The following CMC2 variants were observed in gnomAD, a reference collection of about 807,000 sequenced individuals.
CMC2 encodes the protein C-X9-C motif containing 2, also known as COX assembly mitochondrial protein 2 homolog.
In CMC2, 5 loss-of-function variants were observed where a neutral mutation model predicts 7.5. The ratio of observed to expected loss-of-function variants is 0.66; its 90% CI spans 0.35 to 1.40. CMC2 has a LOEUF of 1.40. Ranked by LOEUF, CMC2 falls within the 40% of genes most tolerant of loss-of-function variation. The pLI, the probability that CMC2 is intolerant of heterozygous loss-of-function variation, is 0.04. For synonymous variants in CMC2, 37 were observed against 31.4 expected (o/e 1.18, Z -0.60); for missense variants, 115 against 92.3 (o/e 1.25, Z -1.01).
chr16:80,988,829 A>T (rs1456805318), intron 2 of CMC2, among the ~76,000 whole-genome samples: 2 of 151,766 alleles, frequency 1.3e-5, no homozygotes, highest in Non-Finnish European at 2.9e-5. Context: ...AACTCTAAAC[A>T]ATATTTTTCT....
Position 80,981,827 on chromosome 16 carries a change from C to A in CMC2, c.132G>T (p.Leu44Phe). 6.2e-7 allele frequency: 1 copy of A among 1,610,274 alleles called. No individual in the cohort carries two copies. The highest frequency in any genetic ancestry group is 1.1e-5 in the South Asian group (1 of 90,622). ...FGYCNDVDRELRKCLKNEYVE... is the reference protein window; with the variant it reads ...FGYCNDVDREFRKCLKNEYVE... The stretch of plus-strand genomic sequence containing the variant: ...TTACCTCATTCTTCAGGCATTTTCT[C>A]AACTCCCGATCAACATCATTACAAT... Residue 44 changes from leucine (L) to phenylalanine (F), a missense_variant, in exon 3 of 4, where the codon TTG (leucine) becomes TTT (phenylalanine). Leu to Phe is a conservative substitution (Grantham distance 22). Transcript: ENST00000219400.
Position 81,006,777 on chromosome 16 carries a change from G to C in CMC2, c.-79C>G. 1.0e-6 allele frequency: 1 copy of C among 985,692 alleles called. No individual in the cohort carries two copies. The highest frequency in any genetic ancestry group is 1.2e-6 in the Non-Finnish European group (1 of 830,158). The allele number at this position is 985,692 out of a possible 1,614,324, so 61.1% of individuals were successfully genotyped here. ...GGGAGAACTGAAGCGGCAGTAGCCG[G>C]CGGAGACGCCCGACCCGAAGGCCGG... On this transcript the variant is annotated 5_prime_UTR_variant, in exon 1 of 4. Coordinates refer to ENST00000219400, the MANE Select transcript of CMC2 (RefSeq NM_020188.5).
chr16:80,979,940 T>C (rs779830466), intron 3 of CMC2, among the ~76,000 whole-genome samples: 2 of 151,088 alleles, frequency 1.3e-5, no homozygotes, highest in Admixed American at 6.6e-5. Context: ...TTTTTAGAGA[T>C]AGGGTCTCAC....
chr16:80,989,331 T>C (rs914640033), intron 2 of CMC2, among the ~76,000 whole-genome samples: 1 of 152,202 alleles, frequency 6.6e-6, no homozygotes, highest in African/African-American at 2.4e-5. Flanking sequence ...AGGGAAACTT[T>C]CCCTTCTCAT....
At chr16:80,977,902 T>C (rs924073831) in intron 3 of CMC2, among the ~76,000 whole-genome samples, 3 of 152,078 alleles carry the variant, frequency 2.0e-5, no homozygotes, top group East Asian at 1.9e-4. Flanking sequence ...TGAAACCCCG[T>C]CTCTACTGAA....
At chr16:80,994,713 T>C (rs1339844710) in intron 2 of CMC2, among the ~76,000 whole-genome samples, 1 of 152,202 alleles carries the variant, frequency 6.6e-6, no homozygotes, top group East Asian at 1.9e-4. Context: ...TGATGGACAG[T>C]GGTAGGAATG....
Position 80,969,692 on chromosome 16 carries a change from A to C in CMC2, c.*6401T>G, listed in dbSNP as rs1021542938. ...CACTTGAGGTCGGGAGTTCAAGACCAGCCTGGGCAACATGGTGAAACCCCG... is the reference window on the plus strand; with the variant it reads ...CACTTGAGGTCGGGAGTTCAAGACCCGCCTGGGCAACATGGTGAAACCCCG... On this transcript the variant is annotated 3_prime_UTR_variant, in exon 4 of 4. Coordinates refer to ENST00000219400, the MANE Select transcript of CMC2 (RefSeq NM_020188.5). 2.0e-5 allele frequency: 3 copies of C among 152,370 alleles called. No homozygotes were observed. Among genetic ancestry groups the C allele is most frequent in the African/African-American group, 7.2e-5 (3 of 41,444 alleles). The allele number at this position is 152,370 out of a possible 1,614,324, so 9.4% of individuals were successfully genotyped here. A position where few individuals can be genotyped will look rare whatever the true frequency, so the allele number is the denominator to read the frequency against.
intron 2 of CMC2, among the ~76,000 whole-genome samples, chr16:80,985,891 C>A (rs1258907411): frequency 5.4e-5 from 5 of 92,928 alleles, no homozygotes; most frequent in African/African-American, 2.0e-4. Context: ...ATCATTCTCC[C>A]ATATACCTGC....
Position 80,999,641 on chromosome 16 carries a change from G to A in CMC2, c.-35-2212C>T, listed in dbSNP as rs148521306. Among the ~76,000 whole-genome samples the A allele has an allele frequency of 7.2e-5, 11 of 152,176 alleles. No individual in the cohort carries two copies. In the East Asian group the frequency reaches 1.5e-3, roughly 21 times the overall value. On this transcript the variant is annotated intron_variant, in intron 1 of 3. Transcript: ENST00000219400. Reference sequence around the variant, plus strand: ...TAAGCAAAAAGAACAAAAACCAAACGTATCACATTACCCTACTTCAGACTA... The same window carrying A: ...TAAGCAAAAAGAACAAAAACCAAACATATCACATTACCCTACTTCAGACTA...
In CMC2 at chr16:80,976,103, G is replaced by C. The variant is rs140656923; in HGVS notation, c.230C>G (p.Ser77Cys). ...GAGTGAAAATACAATTTATTTTTCG[G>C]ATTCCTCTGGAGGATTAAAAAGTTT... ...RKKLFNPPEESEK is the reference protein window; with the variant it reads ...RKKLFNPPEECEK The change falls in exon 4 of 4, where the codon TCC (serine) becomes TGC (cysteine). Residue 77 changes from serine (S) to cysteine (C), a missense_variant. Physicochemically the swap from Ser to Cys is moderately radical, Grantham distance 112. Coordinates refer to ENST00000219400, the MANE Select transcript of CMC2 (RefSeq NM_020188.5). The C allele has an allele frequency of 4.4e-6, 7 of 1,595,618 alleles. No individual in the cohort carries two copies. The highest frequency in any genetic ancestry group is 1.7e-5 in the Admixed American group (1 of 59,970).
At chr16:80,982,419 G>C (rs1445500323) in intron 2 of CMC2, 2 of 146,368 alleles carry the variant, frequency 1.4e-5, no homozygotes, top group Non-Finnish European at 3.0e-5. Flanking sequence ...TGAGGCAGGA[G>C]AACTGCTTAA....
intron 2 of CMC2, among the ~76,000 whole-genome samples, chr16:80,993,496 T>C (rs1170317184): frequency 4.6e-5 from 7 of 152,146 alleles, no homozygotes; most frequent in Admixed American, 2.6e-4. Context: ...ACTGACTGAG[T>C]ATTCACTACA....
intron 3 of CMC2, among the ~76,000 whole-genome samples, chr16:80,981,079 CAA>C (rs35505789): frequency 0.058 from 6,796 of 117,904 alleles, 490 homozygotes; most frequent in African/African-American, 0.18. Context: ...CAATATGAGG[CAA>C]AAAAAAAAAA....
At chr16:81,005,193 C>T (rs1969172538) in intron 1 of CMC2, among the ~76,000 whole-genome samples, 1 of 152,172 alleles carries the variant, frequency 6.6e-6, no homozygotes, top group African/African-American at 2.4e-5. Context: ...CTTCGGGAGG[C>T]CGAGGCAGGC....
intron 1 of CMC2, chr16:80,999,053 C>G (rs1968645686): frequency 6.6e-6 from 1 of 152,270 alleles, no homozygotes; most frequent in South Asian, 2.1e-4. Context: ...GATGCCCGCT[C>G]TCACCACTCC....
chr16:80,975,291 T>C lies in CMC2; in HGVS notation c.*802A>G, dbSNP rs1912197339. ...TGCTAAGACTCAATTCCTAACCAGA[T>C]GAAATTTTATCAATGTTAAGTGTAA... On this transcript the variant is annotated 3_prime_UTR_variant, in exon 4 of 4. Coordinates refer to ENST00000219400, the MANE Select transcript of CMC2 (RefSeq NM_020188.5). 1 of 152,244 alleles carries C rather than the reference T, an allele frequency of 6.6e-6. No individual in the cohort carries two copies. The allele number at this position is 152,244 out of a possible 1,614,324, so 9.4% of individuals were successfully genotyped here.
At chr16:80,993,899 T>A (rs1027747948) in intron 2 of CMC2, among the ~76,000 whole-genome samples, 1 of 151,942 alleles carries the variant, frequency 6.6e-6, no homozygotes, top group Non-Finnish European at 1.5e-5. Context: ...CAAAACAACT[T>A]TGAAAAAAGA....
chr16:80,972,552 T>C lies in CMC2; in HGVS notation c.*3541A>G, dbSNP rs1912005190. The C allele has an allele frequency of 1.3e-5, 2 of 152,196 alleles. No homozygotes were observed. Among genetic ancestry groups the C allele is most frequent in the Admixed American group, 6.5e-5 (1 of 15,288 alleles). 9.4% of individuals were successfully genotyped at this position (152,196 alleles called of 1,614,324 possible). Reference sequence around the variant, plus strand: ...AAAGGTGAGAAACAGCTCAACTTTCTAGCCTCACTCTTAAGTAAAATTGTG... The same window carrying C: ...AAAGGTGAGAAACAGCTCAACTTTCCAGCCTCACTCTTAAGTAAAATTGTG... On this transcript the variant is annotated 3_prime_UTR_variant, in exon 4 of 4. Coordinates refer to ENST00000219400, the MANE Select transcript of CMC2 (RefSeq NM_020188.5).
intron 2 of CMC2, among the ~76,000 whole-genome samples, chr16:80,989,271 A>AT (rs1348072789): frequency 2.6e-5 from 4 of 152,150 alleles, no homozygotes; most frequent in Admixed American, 2.0e-4. Flanking sequence ...ACAAAAAGTG[A>AT]TTTTCTAATT....
Sources: gnomAD v4.1 joint callset for allele counts (sites outside exome capture counted in the v4.1 genomes callset) on GRCh38, gnomAD v4.1.1 for gene constraint, MANE v1.5 for transcripts, NCBI Gene and HGNC (gene_info 2026-07-23, HGNC 2026-07-21) for gene names.